CDH13: variants seen among roughly 807,000 people sequenced by gnomAD.
CDH13 encodes the protein cadherin 13.
Under a neutral mutation model 63.8 loss-of-function variants are expected in CDH13, and 24 were observed. The observed-to-expected ratio is 0.38, with a 90% confidence interval of 0.27 to 0.53. The LOEUF (loss-of-function observed/expected upper bound fraction) is 0.53. Among genes scored for constraint, CDH13 ranks in the 20% least tolerant of loss-of-function variants. The pLI is 0.85. For synonymous variants in CDH13, 503 were observed against 355.3 expected (o/e 1.42, Z -4.67); for missense variants, 1,049 against 903.1 (o/e 1.16, Z -2.07).
chr16:82,994,255 G>A (rs997262551), intron 2 of CDH13, among the ~76,000 whole-genome samples: 9 of 152,100 alleles, frequency 5.9e-5, no homozygotes, highest in African/African-American at 1.7e-4. Flanking sequence ...TTCTTGGATG[G>A]GCCTCTTTAT....
At chr16:83,459,748 C>A (rs2073127522) in intron 6 of CDH13, among the ~76,000 whole-genome samples, 1 of 152,150 alleles carries the variant, frequency 6.6e-6, no homozygotes, top group African/African-American at 2.4e-5. Context: ...AATGACTCAA[C>A]TGCATAAGGA....
rs574501224 is a variant in CDH13, at chr16:83,484,029, T to C, written c.782-2448T>C. Among the ~76,000 whole-genome samples the C allele has an allele frequency of 2.0e-5, 3 of 152,274 alleles. No homozygotes were observed. In the South Asian group the frequency reaches 6.2e-4, roughly 32 times the overall value. The stretch of plus-strand genomic sequence containing the variant: ...TCACAGGGCAAAGAAGCTAGGTGGA[T>C]AGGAAGTGCACCTTGAAGCATGTGG... On this transcript the variant is annotated intron_variant, in intron 6 of 13. Coordinates refer to ENST00000567109, the MANE Select transcript of CDH13 (RefSeq NM_001257.5).
chr16:83,063,856 T>A (rs2031786730), intron 3 of CDH13, among the ~76,000 whole-genome samples: 3 of 152,144 alleles, frequency 2.0e-5, no homozygotes, highest in Admixed American at 1.3e-4. Context: ...GACCCCTTCT[T>A]ACAACTTCAA....
rs558308661 is a variant in CDH13, at chr16:82,945,582, T to A, written c.158-86428T>A. Among the ~76,000 whole-genome samples, 7 of 152,314 alleles carry A rather than the reference T, an allele frequency of 4.6e-5. No individual in the cohort carries two copies. The South Asian group carries it at 1.0e-3, about 23-fold the overall frequency. On this transcript the variant is annotated intron_variant, in intron 2 of 13. Coordinates refer to ENST00000567109, the MANE Select transcript of CDH13 (RefSeq NM_001257.5). Reference sequence around the variant, plus strand: ...GTGGTGCATATCAAGGATTTTGTGTTTTTTTTCTTCGCGGTTGTTTAGTTT... The same window carrying A: ...GTGGTGCATATCAAGGATTTTGTGTATTTTTTCTTCGCGGTTGTTTAGTTT...
rs532378438 is a variant in CDH13, at chr16:83,626,460, C to T, written c.1101+23866C>T. Among the ~76,000 whole-genome samples the T allele has an allele frequency of 4.6e-5, 7 of 152,254 alleles. No individual in the cohort carries two copies. The South Asian group carries it at 1.0e-3, about 23-fold the overall frequency. On this transcript the variant is annotated intron_variant, in intron 8 of 13. Transcript: ENST00000567109. The stretch of plus-strand genomic sequence containing the variant: ...GCGTTAATGAAGCACGTGCTATGAG[C>T]CAGGGTCTTTGCTGGGGACCTAAAG...
intron 6 of CDH13, among the ~76,000 whole-genome samples, chr16:83,408,434 T>G (rs954206306): frequency 4.6e-5 from 7 of 152,212 alleles, no homozygotes; most frequent in African/African-American, 1.7e-4. Flanking sequence ...TGTATGACAT[T>G]GCCTCTTGCG....
At chr16:83,496,966 A>G (rs1017778096) in intron 7 of CDH13, among the ~76,000 whole-genome samples, 16 of 152,208 alleles carry the variant, frequency 1.1e-4, no homozygotes, top group African/African-American at 3.9e-4. Flanking sequence ...ATGAGATACC[A>G]TCTCACACCA....
chr16:83,230,100 G>A (rs983266533), intron 5 of CDH13, among the ~76,000 whole-genome samples: 1 of 152,152 alleles, frequency 6.6e-6, no homozygotes, highest in African/African-American at 2.4e-5. Context: ...CTTGGTCAGA[G>A]GTCAGAAAGG....
intron 2 of CDH13, among the ~76,000 whole-genome samples, chr16:82,923,875 G>C (rs116098570): frequency 3.9e-5 from 6 of 152,168 alleles, no homozygotes; most frequent in African/African-American, 1.4e-4. Flanking sequence ...TTGGGAATTG[G>C]GATCCTGGTT....
chr16:82,823,300 G>C (rs1262173553), intron 1 of CDH13: 1 of 151,470 alleles, frequency 6.6e-6, no homozygotes, highest in Non-Finnish European at 1.5e-5. Context: ...ATAAGGTCTG[G>C]AAGAGGAGGT....
At chr16:83,605,905 G>A (rs1335530480) in intron 8 of CDH13, among the ~76,000 whole-genome samples, 2 of 152,192 alleles carry the variant, frequency 1.3e-5, no homozygotes, top group Admixed American at 6.5e-5. Context: ...TGCAGGAGAG[G>A]TGGCAGAATC....
At chr16:83,174,031 G>C (rs1010430474) in intron 4 of CDH13, among the ~76,000 whole-genome samples, 2 of 151,982 alleles carry the variant, frequency 1.3e-5, no homozygotes, top group African/African-American at 4.8e-5. Context: ...TCGAGGGAAA[G>C]GAGAGGGACT....
chr16:82,634,867 T>G (rs1908459735), intron 1 of CDH13, among the ~76,000 whole-genome samples: 1 of 152,172 alleles, frequency 6.6e-6, no homozygotes, highest in African/African-American at 2.4e-5. Flanking sequence ...GACCAAATGG[T>G]TCCAATAAAT....
chr16:83,095,764 A>G (rs1311016123), intron 3 of CDH13, among the ~76,000 whole-genome samples: 2 of 152,178 alleles, frequency 1.3e-5, no homozygotes, highest in Non-Finnish European at 2.9e-5. Context: ...AATGAGCAGT[A>G]TGTTTTGCCT....
chr16:83,091,263 G>A (rs1366756267), intron 3 of CDH13, among the ~76,000 whole-genome samples: 3 of 146,648 alleles, frequency 2.0e-5, no homozygotes, highest in African/African-American at 7.6e-5. Flanking sequence ...TCCATCTTCT[G>A]CTATCAGAAA....
At position 83,512,810 on chromosome 16, in the gene CDH13, G is replaced by A. The variant is rs149448141; in HGVS notation, c.960+26155G>A. Among the ~76,000 whole-genome samples, 60 of 152,180 alleles carry A rather than the reference G, an allele frequency of 3.9e-4. No homozygotes were observed. In the East Asian group the frequency reaches 6.2e-3, roughly 16 times the overall value. On this transcript the variant is annotated intron_variant, in intron 7 of 13. Transcript: ENST00000567109. ...TAGCCACATCCCCTGAGATCCTGTC[G>A]GTAAAACACATTCTCGGGCCTCCCC...
chr16:83,715,344 T>G (rs1908725913), intron 10 of CDH13, among the ~76,000 whole-genome samples: 3 of 152,208 alleles, frequency 2.0e-5, no homozygotes, highest in Admixed American at 2.0e-4. Context: ...CTTGCAAGAA[T>G]CCATCTACTT....
At chr16:82,720,817 C>G (rs925947756) in intron 1 of CDH13, among the ~76,000 whole-genome samples, 2 of 152,134 alleles carry the variant, frequency 1.3e-5, no homozygotes, top group African/African-American at 4.8e-5. Context: ...GTTGGCATTG[C>G]TACAAGTCAC....
chr16:83,053,677 A>T (rs545513922), intron 3 of CDH13, among the ~76,000 whole-genome samples: 2 of 152,342 alleles, frequency 1.3e-5, no homozygotes, highest in Admixed American at 6.5e-5. Flanking sequence ...TGATAGAGCT[A>T]TGCTATTATC....
Sources: gnomAD v4.1 joint callset for allele counts (sites outside exome capture counted in the v4.1 genomes callset) on GRCh38, gnomAD v4.1.1 for gene constraint, MANE v1.5 for transcripts, NCBI Gene and HGNC (gene_info 2026-07-23, HGNC 2026-07-21) for gene names.